Variants in MYLK observed in about 807,000 individuals in gnomAD.
MYLK encodes myosin light chain kinase, smooth muscle.
In MYLK, 106 loss-of-function variants were observed where a neutral mutation model predicts 203.4. The ratio of observed to expected loss-of-function variants is 0.52; its 90% confidence interval spans 0.45 to 0.61. MYLK has a LOEUF of 0.61. Among genes scored for constraint, MYLK ranks in the 20% least tolerant of loss-of-function variants. MYLK has a pLI of 0.00. For missense variants in MYLK, 2,072 were observed against 2,442.3 expected (o/e 0.85, Z 3.20); for synonymous variants, 867 against 959.5 (o/e 0.90, Z 1.78).
intron 3 of MYLK, among the ~76,000 whole-genome samples, chr3:123,817,045 G>A (rs1318335535): frequency 6.6e-6 from 1 of 152,192 alleles, no homozygotes; most frequent in Non-Finnish European, 1.5e-5. Flanking sequence ...AGCAGATTGG[G>A]TAATTAAAGC....
At chr3:123,619,025 GA>G (rs1234220186) in intron 32 of MYLK, among the ~76,000 whole-genome samples, 1 of 152,182 alleles carries the variant, frequency 6.6e-6, no homozygotes, top group Non-Finnish European at 1.5e-5. Context: ...CATGTTGAAA[GA>G]GGAAATCATC....
intron 23 of MYLK, among the ~76,000 whole-genome samples, chr3:123,660,980 T>C (rs1463785048): frequency 2.0e-5 from 3 of 152,220 alleles, no homozygotes; most frequent in African/African-American, 7.2e-5. Flanking sequence ...CCTATTTTAT[T>C]GAGCAATTCT....
At chr3:123,677,484 T>C (rs1449726536) in intron 20 of MYLK, among the ~76,000 whole-genome samples, 2 of 152,122 alleles carry the variant, frequency 1.3e-5, no homozygotes, top group Non-Finnish European at 2.9e-5. Context: ...TATTTCTGTC[T>C]CCCCATGCCC....
chr3:123,653,614 C>A (rs1253322290), intron 24 of MYLK, among the ~76,000 whole-genome samples: 1 of 152,124 alleles, frequency 6.6e-6, no homozygotes, highest in African/African-American at 2.4e-5. Context: ...GAGGGTTCAG[C>A]GGGCTGATGG....
chr3:123,666,837 C>T (rs1222966840), intron 21 of MYLK: 2 of 579,894 alleles, frequency 3.4e-6, no homozygotes, highest in African/African-American at 1.9e-5. Context: ...AGAGGATGGA[C>T]AGCAGGGCAG....
chr3:123,874,352 C>T (rs1011305456), intron 2 of MYLK, among the ~76,000 whole-genome samples: 1 of 152,136 alleles, frequency 6.6e-6, no homozygotes, highest in Non-Finnish European at 1.5e-5. Context: ...ACATGCTCAA[C>T]TGATTTTCAA....
chr3:123,620,692 T>C, intron 31 of MYLK: 1 of 1,047,498 alleles, frequency 9.5e-7, no homozygotes. Flanking sequence ...AAAGACTTAT[T>C]GCTGACTGGG....
At chr3:123,650,979 T>C (rs2059192697) in intron 24 of MYLK, among the ~76,000 whole-genome samples, 1 of 152,152 alleles carries the variant, frequency 6.6e-6, no homozygotes, top group Non-Finnish European at 1.5e-5. Flanking sequence ...GGGTGAGTAC[T>C]GGGTAGCTGT....
At chr3:123,686,710 TCACCTCAATAGAAGAGTG>T (rs1368588548) in intron 19 of MYLK, among the ~76,000 whole-genome samples, 4 of 152,144 alleles carry the variant, frequency 2.6e-5, no homozygotes, top group Admixed American at 1.3e-4. Context: ...CGAAATAACA[TCACCTCAATAGAAGAGTG>T]AGGGAGGTGT....
chr3:123,872,983 G>T (rs190780978), intron 2 of MYLK, among the ~76,000 whole-genome samples: 1 of 152,162 alleles, frequency 6.6e-6, no homozygotes, highest in East Asian at 1.9e-4. Context: ...GGCTCACCAA[G>T]TGTCACCTCA....
chr3:123,733,618 C>A (rs1023304841), intron 10 of MYLK, 69 bp downstream of exon 10: 3 of 1,584,052 alleles, frequency 1.9e-6, no homozygotes, highest in Non-Finnish European at 2.6e-6. Context: ...TAGCTGGGTG[C>A]TGAAGGAAGG....
At chr3:123,810,190 A>G (rs903107577) in intron 3 of MYLK, among the ~76,000 whole-genome samples, 3 of 152,164 alleles carry the variant, frequency 2.0e-5, no homozygotes, top group Non-Finnish European at 4.4e-5. Context: ...CCTCCTCCCA[A>G]TACAATGACA....
intron 1 of MYLK, among the ~76,000 whole-genome samples, chr3:123,879,300 C>G (rs2148726560): frequency 6.6e-6 from 1 of 152,284 alleles, no homozygotes; most frequent in South Asian, 2.1e-4. Context: ...AAATAAACCT[C>G]AGGACAAGCA....
At chr3:123,686,762 G>A (rs78570535) in intron 19 of MYLK, among the ~76,000 whole-genome samples, 1,819 of 152,286 alleles carry the variant, frequency 0.012, 35 homozygotes, top group African/African-American at 0.041. Flanking sequence ...GGTGATGGCT[G>A]ACATTTACTG....
In MYLK at chr3:123,707,616, C is replaced by T. The variant is rs566436683; in HGVS notation, c.2390+138G>A. On this transcript the variant is annotated intron_variant, in intron 16 of 33. Transcript: ENST00000360304. ...AAGAAGCAAAAGCTTGTGAGCAGCA[C>T]TGAGCCCGCACTTGCTTTACCTGGA... 6.0e-6 allele frequency: 8 copies of T among 1,332,636 alleles called. No individual in the cohort carries two copies. The Admixed American group carries it at 1.2e-4, about 20-fold the overall frequency. The allele number at this position is 1,332,636 out of a possible 1,614,324, so 82.6% of individuals were successfully genotyped here.
intron 28 of MYLK, chr3:123,638,733 G>T (rs1032870174): frequency 2.0e-6 from 2 of 984,840 alleles, no homozygotes; most frequent in South Asian, 4.7e-5. Flanking sequence ...GCTTACCACC[G>T]TTCCTCCCTC....
intron 4 of MYLK, among the ~76,000 whole-genome samples, chr3:123,760,366 C>T (rs2108923418): frequency 6.6e-6 from 1 of 152,166 alleles, no homozygotes; most frequent in East Asian, 1.9e-4. Context: ...TTAGTTAAGC[C>T]AGGATTTCTC....
chr3:123,878,266 C>T (rs1435938869), intron 1 of MYLK, among the ~76,000 whole-genome samples: 1 of 152,206 alleles, frequency 6.6e-6, no homozygotes, highest in Non-Finnish European at 1.5e-5. Context: ...AGAAGGGCTT[C>T]TCTGTCCATT....
Position 123,737,393 on chromosome 3 carries a change from C to T in MYLK, c.739G>A (p.Glu247Lys), listed in dbSNP as rs2062712456. 6.2e-7 allele frequency: 1 copy of T among 1,614,012 alleles called. No individual in the cohort carries two copies. Among genetic ancestry groups the T allele is most frequent in the Non-Finnish European group, 8.5e-7 (1 of 1,180,028 alleles). ...TGGTCGATACCTTGGATGGAAAGTT[C>T]AGCTGACATCGAGGCCTTCCCCGAC... Reference protein sequence around the residue: ...NGSGKASMSAELSIQGLDSAN... With the variant: ...NGSGKASMSAKLSIQGLDSAN... Residue 247 changes from glutamate to lysine, a missense_variant, in exon 8 of 34, where the codon GAA becomes AAA. Around this residue, in one of 3 missense-constraint regions of MYLK, gnomAD observed 683 missense variants for 643.8 expected, o/e 1.06. Coordinates refer to ENST00000360304, the MANE Select transcript of MYLK (RefSeq NM_053025.4).
Sources: gnomAD v4.1 joint callset for allele counts (sites outside exome capture counted in the v4.1 genomes callset) on GRCh38, gnomAD v4.1.1 for gene constraint, gnomAD v4.1.1 regional missense constraint, MANE v1.5 for transcripts, NCBI Gene and HGNC (gene_info 2026-07-23, HGNC 2026-07-21) for gene names.